The following LRRTM4 variants were observed in gnomAD, a reference collection of about 807,000 sequenced individuals.
LRRTM4 encodes leucine rich repeat transmembrane neuronal 4, also known as leucine-rich repeat transmembrane neuronal protein 4.
LRRTM4 carries 25 observed loss-of-function variants against 47.6 expected under a neutral mutation model. The ratio of observed to expected loss-of-function variants is 0.53; its 90% CI spans 0.38 to 0.73. The LOEUF (loss-of-function observed/expected upper bound fraction) is 0.73, where lower values mean the gene tolerates loss of function less well. LRRTM4 is among the 30% of genes least tolerant of loss of function. The pLI is 0.00. For synonymous variants in LRRTM4, 311 were observed against 269.5 expected (o/e 1.15, Z -1.51); for missense variants, 638 against 713.4 (o/e 0.89, Z 1.20).
intron 3 of LRRTM4, among the ~76,000 whole-genome samples, chr2:76,937,401 G>T (rs1292209015): frequency 1.3e-5 from 2 of 152,134 alleles, no homozygotes; most frequent in African/African-American, 4.8e-5. Flanking sequence ...GATGTGATGG[G>T]AAATTGGCAC....
At chr2:77,227,901 T>C (rs1674857741) in intron 3 of LRRTM4, among the ~76,000 whole-genome samples, 4 of 152,140 alleles carry the variant, frequency 2.6e-5, no homozygotes, top group Admixed American at 2.6e-4. Flanking sequence ...TATTATTTTT[T>C]CTTACAAAAT....
intron 3 of LRRTM4, among the ~76,000 whole-genome samples, chr2:77,380,800 A>C (rs1417265392): frequency 6.6e-6 from 1 of 152,068 alleles, no homozygotes; most frequent in African/African-American, 2.4e-5. Flanking sequence ...CATCTCGAAA[A>C]AAAAAAAGGA....
chr2:77,267,119 TTTA>T, intron 3 of LRRTM4, among the ~76,000 whole-genome samples: 1 of 152,252 alleles, frequency 6.6e-6, no homozygotes, highest in East Asian at 1.9e-4. Context: ...TAGTGCCTCA[TTTA>T]TTATCTGCAG....
intron 3 of LRRTM4, among the ~76,000 whole-genome samples, chr2:77,382,788 T>C (rs1673112676): frequency 6.6e-6 from 1 of 152,106 alleles, no homozygotes; most frequent in African/African-American, 2.4e-5. Flanking sequence ...TTTTCACCTT[T>C]TTAAATTTTT....
At chr2:77,228,562 C>G (rs1233543343) in intron 3 of LRRTM4, among the ~76,000 whole-genome samples, 1 of 152,154 alleles carries the variant, frequency 6.6e-6, no homozygotes, top group African/African-American at 2.4e-5. Flanking sequence ...TGTGGGAAAT[C>G]TTGCTGCCAG....
At chr2:77,014,649 TAA>T (rs1224106532) in intron 3 of LRRTM4, among the ~76,000 whole-genome samples, 1 of 151,736 alleles carries the variant, frequency 6.6e-6, no homozygotes, top group African/African-American at 2.4e-5. Flanking sequence ...CTGTCTTTAC[TAA>T]AAATACAAAA....
chr2:77,085,059 G>A (rs1180652127), intron 3 of LRRTM4, among the ~76,000 whole-genome samples: 6 of 152,082 alleles, frequency 3.9e-5, no homozygotes. Flanking sequence ...TTTGATTTTA[G>A]TAGGATAATT....
intron 3 of LRRTM4, among the ~76,000 whole-genome samples, chr2:76,835,924 T>C (rs1053436777): frequency 2.6e-5 from 4 of 152,050 alleles, no homozygotes; most frequent in African/African-American, 9.6e-5. Context: ...CTATTTTAAT[T>C]TAATATTATA....
intron 3 of LRRTM4, among the ~76,000 whole-genome samples, chr2:76,960,642 A>G (rs1573371753): frequency 7.1e-6 from 1 of 140,084 alleles, no homozygotes; most frequent in East Asian, 2.0e-4. Context: ...ATTCAACAAT[A>G]ATTTCCTGAA....
At chr2:77,053,376 T>A (rs966340744) in intron 3 of LRRTM4, among the ~76,000 whole-genome samples, 1 of 152,120 alleles carries the variant, frequency 6.6e-6, no homozygotes, top group African/African-American at 2.4e-5. Flanking sequence ...GAATTAAGGT[T>A]CAATATGAAG....
chr2:76,961,375 G>C (rs1440033625), intron 3 of LRRTM4, among the ~76,000 whole-genome samples: 1 of 150,766 alleles, frequency 6.6e-6, no homozygotes, highest in Non-Finnish European at 1.5e-5. Context: ...TCACAGATCT[G>C]TTAGCTTGCC....
At chr2:76,990,372 A>T (rs1676959393) in intron 3 of LRRTM4, among the ~76,000 whole-genome samples, 1 of 151,720 alleles carries the variant, frequency 6.6e-6, no homozygotes. Flanking sequence ...AGTTGGATAA[A>T]ATAGCAAGAC....
chr2:77,518,629 C>T lies in LRRTM4; in HGVS notation c.1240G>A (p.Glu414Lys). The T allele has an allele frequency of 1.2e-6, 2 of 1,613,396 alleles. No homozygotes were observed. Among genetic ancestry groups the T allele is most frequent in the Non-Finnish European group, 1.7e-6 (2 of 1,179,624 alleles). The change falls in exon 3 of 4, where the codon GAG becomes AAG. Residue 414 changes from glutamate (E) to lysine (K), a missense_variant. Glu to Lys is a moderately conservative substitution (Grantham distance 56). Coordinates refer to ENST00000409884, the MANE Select transcript of LRRTM4 (RefSeq NM_001134745.3). ...PSPGFQIPGAEQEYEHVSFHK... is the reference protein window; with the variant it reads ...PSPGFQIPGAKQEYEHVSFHK... ...AATGAAACATGCTCATACTCTTGCT[C>T]TGCGCCAGGAATCTGAAACCCTGGG... is the stretch of plus-strand genomic sequence containing the variant.
At chr2:77,128,784 C>G (rs180999453) in intron 3 of LRRTM4, among the ~76,000 whole-genome samples, 1 of 151,870 alleles carries the variant, frequency 6.6e-6, no homozygotes. Context: ...GGATTACAGG[C>G]GCCCACCACC....
At chr2:76,812,330 T>A (rs1055053492) in intron 3 of LRRTM4, among the ~76,000 whole-genome samples, 4 of 152,204 alleles carry the variant, frequency 2.6e-5, no homozygotes. Context: ...ACTGACAGAA[T>A]GAAAACTTCA....
intron 3 of LRRTM4, among the ~76,000 whole-genome samples, chr2:77,152,530 G>T (rs113221958): frequency 2.0e-5 from 3 of 151,892 alleles, no homozygotes; most frequent in African/African-American, 7.3e-5. Flanking sequence ...GGGTTTCACC[G>T]TGTTAGCCAC....
At chr2:76,807,471 C>CACATATAT (rs545039725) in intron 3 of LRRTM4, among the ~76,000 whole-genome samples, 2,526 of 97,384 alleles carry the variant, frequency 0.026, 144 homozygotes, top group African/African-American at 0.13. Context: ...TATATATATA[C>CACATATAT]ATATATATAT....
intron 3 of LRRTM4, among the ~76,000 whole-genome samples, chr2:76,756,194 A>G (rs1246847201): frequency 6.6e-6 from 1 of 152,156 alleles, no homozygotes; most frequent in Admixed American, 6.5e-5. Flanking sequence ...TAACTTAAAC[A>G]TTCCTTTTTA....
chr2:76,865,926 T>C (rs1672453294), intron 3 of LRRTM4, among the ~76,000 whole-genome samples: 1 of 152,158 alleles, frequency 6.6e-6, no homozygotes, highest in African/African-American at 2.4e-5. Flanking sequence ...GTTTTGACTA[T>C]CAGAATTATT....
Sources: allele counts gnomAD v4.1 joint callset (sites outside exome capture counted in the v4.1 genomes callset), GRCh38; gene constraint gnomAD v4.1.1; transcripts MANE v1.5; gene names NCBI Gene and HGNC (gene_info 2026-07-23, HGNC 2026-07-21).